CCM2L: variants seen among roughly 807,000 people sequenced by gnomAD.
CCM2L encodes the protein CCM2 like scaffold protein.
CCM2L carries 36 observed loss-of-function variants against 54.1 expected under a neutral mutation model. The ratio of observed to expected loss-of-function variants is 0.67; its 90% CI spans 0.51 to 0.88. CCM2L has a LOEUF of 0.88. CCM2L is among the 40% of genes least tolerant of loss of function. The pLI is 0.00. For synonymous variants in CCM2L, 351 were observed against 359.3 expected (o/e 0.98, Z 0.26); for missense variants, 700 against 812.1 (o/e 0.86, Z 1.68).
At chr20:32,010,566 GT>G in intron 1 of CCM2L, 82 bp downstream of exon 1, 1 of 984,670 alleles carries the variant, frequency 1.0e-6, no homozygotes, top group Non-Finnish European at 1.5e-6. Flanking sequence ...GGGGTGGGGG[GT>G]CGGTAGCGAG....
intron 1 of CCM2L, among the ~76,000 whole-genome samples, chr20:32,013,429 TG>T (rs537519578): frequency 5.9e-5 from 9 of 151,648 alleles, no homozygotes; most frequent in African/African-American, 9.7e-5. Flanking sequence ...GTGTGTGGAG[TG>T]GGGGGGTGGG....
chr20:32,019,430 C>G (rs2064781406), intron 5 of CCM2L, 21 bp downstream of exon 5: 2 of 1,470,712 alleles, frequency 1.4e-6, no homozygotes. Flanking sequence ...GGGCAGCCTG[C>G]TCCCAAAGCC....
intron 9 of CCM2L, among the ~76,000 whole-genome samples, chr20:32,030,535 G>A (rs1347316262): frequency 6.6e-6 from 1 of 151,940 alleles, no homozygotes; most frequent in Non-Finnish European, 1.5e-5. Context: ...TATAATGATG[G>A]TACTAATAAT....
At chr20:32,021,913 C>T (rs559601498) in intron 5 of CCM2L, among the ~76,000 whole-genome samples, 10 of 152,162 alleles carry the variant, frequency 6.6e-5, no homozygotes, top group South Asian at 2.1e-4. Context: ...TCCTGGGTTA[C>T]GTTTTAATTT....
At chr20:32,022,946 G>A in intron 6 of CCM2L, 151 bp downstream of exon 6, 1 of 878,096 alleles carries the variant, frequency 1.1e-6, no homozygotes, top group Non-Finnish European at 1.7e-6. Context: ...TAGGTGAAAT[G>A]TCAATTTTCT....
In CCM2L at chr20:32,031,184, C is replaced by T; in HGVS notation, c.1586C>T (p.Ala529Val). Residue 529 changes from alanine (A) to valine (V), a missense_variant, in exon 10 of 10, where the codon GCC becomes GTC. Coordinates refer to ENST00000452892, the MANE Select transcript of CCM2L (RefSeq NM_001365692.1). ...DGAAQRPEAQ[A>V]FHRLLADITH... ...GCGGCGCAGCGGCCCGAGGCACAGG[C>T]CTTCCACCGGCTGCTGGCTGACATC... 4.6e-6 allele frequency: 6 copies of T among 1,302,120 alleles called. No individual in the cohort carries two copies. Among genetic ancestry groups the T allele is most frequent in the Non-Finnish European group, 6.1e-6 (6 of 988,546 alleles). The allele number at this position is 1,302,120 out of a possible 1,614,324, so 80.7% of individuals were successfully genotyped here.
Position 32,029,854 on chromosome 20 carries a change from AC to A in CCM2L, c.1402+21del. 6.3e-7 allele frequency: 1 copy of A among 1,581,896 alleles called. No homozygotes were observed. On this transcript the variant is annotated intron_variant, in intron 9 of 9. Coordinates refer to ENST00000452892, the MANE Select transcript of CCM2L (RefSeq NM_001365692.1). ...CTCCTCCTTGGTGAGCCCCCGCTGT[AC>A]CCCCAGAGGTCAGCTAGGGCCCCTG...
chr20:32,015,124 C>T, intron 2 of CCM2L, 53 bp downstream of exon 2: 1 of 1,428,648 alleles, frequency 7.0e-7, no homozygotes, highest in Admixed American at 2.8e-5. Flanking sequence ...GAGACCTTCA[C>T]TTCTCCTTGA....
At position 32,015,029 on chromosome 20, in the gene CCM2L, C is replaced by A; in HGVS notation, c.156C>A (p.Asp52Glu). 1.9e-6 allele frequency: 3 copies of A among 1,549,242 alleles called. No individual in the cohort carries two copies. The highest frequency in any genetic ancestry group is 2.6e-6 in the Non-Finnish European group (3 of 1,150,880). ...TTTATCCCCCCGACTACCTCATCGACCCCCAGATTCTGCTGTGTGACTACC... is the reference window on the plus strand; with the variant it reads ...TTTATCCCCCCGACTACCTCATCGAACCCCAGATTCTGCTGTGTGACTACC... ...MPLYPPDYLI[D>E]PQILLCDYLE... is the part of the protein sequence containing the mutation. The change falls in exon 2 of 10, where the codon GAC becomes GAA. Residue 52 changes from aspartate to glutamate, a missense_variant. Coordinates refer to ENST00000452892, the MANE Select transcript of CCM2L (RefSeq NM_001365692.1).
intron 7 of CCM2L, chr20:32,027,844 CAG>C (rs996622551): frequency 9.2e-5 from 14 of 152,210 alleles, no homozygotes; most frequent in African/African-American, 3.4e-4. Context: ...GGACACAAGA[CAG>C]AGGGCAAAAC....
At position 32,025,820 on chromosome 20, in the gene CCM2L, G is replaced by T. The variant is rs1022707209; in HGVS notation, c.1070-36G>T. 1.4e-5 allele frequency: 18 copies of T among 1,296,286 alleles called. No homozygotes were observed. The African/African-American group carries it at 2.6e-4, about 19-fold the overall frequency. 80.3% of individuals were successfully genotyped at this position (1,296,286 alleles called of 1,614,324 possible). A position where few individuals can be genotyped will look rare whatever the true frequency, so the allele number is the denominator to read the frequency against. ...AGCAGGGGATGCTGATCCCTGCTTT[G>T]CTGCCTCTGACAGTCCCTCTGTCTG... On this transcript the variant is annotated intron_variant, in intron 6 of 9. Transcript: ENST00000452892.
chr20:32,012,206 A>G (rs1009250536), intron 1 of CCM2L, among the ~76,000 whole-genome samples: 1 of 152,136 alleles, frequency 6.6e-6, no homozygotes. Flanking sequence ...ATTAAAACAC[A>G]GATCACTGGG....
rs139553594 is a variant in CCM2L at position 32,020,949 on chromosome 20, G to A, written c.933+1540G>A. 2.0e-5 allele frequency among the ~76,000 whole-genome samples: 3 copies of A among 152,270 alleles called. No homozygotes were observed. In the East Asian group the frequency reaches 5.8e-4, roughly 29 times the overall value. ...CCACTGCACTCCAGCCTGAGCAATA[G>A]AGCAAGACTCCGTCTCAAAACAAAA... On this transcript the variant is annotated intron_variant, in intron 5 of 9. Transcript: ENST00000452892.
At chr20:32,015,121 T>C (rs2064730949) in intron 2 of CCM2L, 50 bp downstream of exon 2, 1 of 1,433,506 alleles carries the variant, frequency 7.0e-7, no homozygotes, top group African/African-American at 1.5e-5. Context: ...GAGGAGACCT[T>C]CACTTCTCCT....
chr20:32,015,104 T>C (rs889851487), intron 2 of CCM2L, 33 bp downstream of exon 2: 6 of 1,456,270 alleles, frequency 4.1e-6, no homozygotes, highest in African/African-American at 1.5e-5. Context: ...TGGGAAAACC[T>C]TGGGGTGAGG....
intron 7 of CCM2L, chr20:32,028,486 G>A (rs191084899): frequency 6.3e-4 from 100 of 158,908 alleles, no homozygotes; most frequent in Non-Finnish European, 1.2e-3. Flanking sequence ...GGTTTGAGGG[G>A]CAGCAGGTGG....
At chr20:32,011,472 G>A (rs1245178614) in intron 1 of CCM2L, among the ~76,000 whole-genome samples, 2 of 152,062 alleles carry the variant, frequency 1.3e-5, no homozygotes, top group Non-Finnish European at 2.9e-5. Context: ...GGGCATGGTG[G>A]CACATGCCTG....
intron 2 of CCM2L, among the ~76,000 whole-genome samples, chr20:32,016,483 C>T (rs1310917924): frequency 6.6e-6 from 1 of 151,768 alleles, no homozygotes; most frequent in East Asian, 2.0e-4. Context: ...TGGTGAAACC[C>T]GTCTCTACTA....
At chr20:32,015,405 T>C (rs2064733159) in intron 2 of CCM2L, among the ~76,000 whole-genome samples, 1 of 152,208 alleles carries the variant, frequency 6.6e-6, no homozygotes, top group South Asian at 2.1e-4. Context: ...TACTCAGGAA[T>C]AGGCATTGCA....
Sources: gnomAD v4.1 joint callset for allele counts (sites outside exome capture counted in the v4.1 genomes callset) on GRCh38, gnomAD v4.1.1 for gene constraint, MANE v1.5 for transcripts, NCBI Gene and HGNC (gene_info 2026-07-23, HGNC 2026-07-21) for gene names.